MAN1A1: variants seen among roughly 807,000 people sequenced by gnomAD.
MAN1A1 encodes mannosyl-oligosaccharide 1,2-alpha-mannosidase IA.
MAN1A1 carries 29 observed loss-of-function variants against 70.8 expected under a neutral mutation model. The observed-to-expected ratio is 0.41, with a 90% CI of 0.31 to 0.56. The LOEUF (loss-of-function observed/expected upper bound fraction) is 0.56. MAN1A1 is among the 20% of genes least tolerant of loss of function. The pLI is 0.29. For missense variants in MAN1A1, 747 were observed against 841.3 expected (o/e 0.89, Z 1.39); for synonymous variants, 349 against 330.1 (o/e 1.06, Z -0.62).
At chr6:119,287,351 G>T (rs1776403949) in intron 5 of MAN1A1, among the ~76,000 whole-genome samples, 1 of 151,940 alleles carries the variant, frequency 6.6e-6, no homozygotes, top group South Asian at 2.1e-4. Flanking sequence ...GGTTTCTGTT[G>T]TAAAACAAAT....
At position 119,331,598 on chromosome 6, in the gene MAN1A1, T is replaced by TAA. The variant is rs1554216787; in HGVS notation, c.603+16863_603+16864dup. The stretch of plus-strand genomic sequence containing the variant: ...ATATATATATATATATATATATATA[T>TAA]AATCAAGGGGATATAAACATACATG... On this transcript the variant is annotated intron_variant, in intron 2 of 12. Coordinates refer to ENST00000368468, the MANE Select transcript of MAN1A1 (RefSeq NM_005907.4). 4.7e-4 allele frequency among the ~76,000 whole-genome samples: 67 copies of TAA among 142,506 alleles called. 1 individual carries two copies. The East Asian group carries it at 0.01, about 21-fold the overall frequency. The allele number at this position is 142,506 out of a possible 152,430, so 93.5% of individuals were successfully genotyped here. A position where few individuals can be genotyped will look rare whatever the true frequency, so the allele number is the denominator to read the frequency against.
intron 2 of MAN1A1, among the ~76,000 whole-genome samples, chr6:119,317,849 A>G (rs1219799630): frequency 6.6e-6 from 1 of 152,114 alleles, no homozygotes; most frequent in Admixed American, 6.5e-5. Flanking sequence ...ATTGGCCATA[A>G]AATGTCACAT....
At chr6:119,274,814 G>A (rs1425365352) in intron 5 of MAN1A1, among the ~76,000 whole-genome samples, 1 of 152,052 alleles carries the variant, frequency 6.6e-6, no homozygotes, top group Non-Finnish European at 1.5e-5. Context: ...TGTACTCACT[G>A]GATAATGAAA....
chr6:119,218,452 T>C (rs1774267038), intron 6 of MAN1A1, among the ~76,000 whole-genome samples: 1 of 152,166 alleles, frequency 6.6e-6, no homozygotes, highest in Admixed American at 6.5e-5. Flanking sequence ...TAACACATTG[T>C]ATTAGGCTCA....
intron 2 of MAN1A1, among the ~76,000 whole-genome samples, chr6:119,311,186 G>C (rs1772690234): frequency 6.6e-6 from 1 of 152,196 alleles, no homozygotes; most frequent in South Asian, 2.1e-4. Context: ...CACATTAAGT[G>C]CTCAATGCAT....
rs1235690271 is a variant in MAN1A1 at position 119,248,283 on chromosome 6, A to C, written c.969T>G (p.Pro323=). 1 of 1,611,746 alleles carries C rather than the reference A, an allele frequency of 6.2e-7. No individual in the cohort carries two copies. Among genetic ancestry groups the C allele is most frequent in the Non-Finnish European group, 8.5e-7 (1 of 1,178,064 alleles). Residue 323 remains proline, a synonymous_variant, in exon 6 of 13, where the codon CCT becomes CCG. Transcript: ENST00000368468. The part of the protein sequence containing the change: ...LPAFHTPSGI[P]WALLNMKSGI... The stretch of plus-strand genomic sequence containing the variant: ...ACCTTTTCATATTCAGCAATGCCCA[A>C]GGTATTCCAGAGGGAGTATGAAATG...
chr6:119,325,275 C>G (rs1773116506), intron 2 of MAN1A1, among the ~76,000 whole-genome samples: 1 of 139,982 alleles, frequency 7.1e-6, no homozygotes, highest in African/African-American at 2.5e-5. Context: ...GGGAGTCTGG[C>G]TCTAGAGTTT....
intron 8 of MAN1A1, among the ~76,000 whole-genome samples, chr6:119,194,773 T>A (rs976774565): frequency 2.0e-5 from 3 of 149,646 alleles, no homozygotes; most frequent in African/African-American, 7.3e-5. Context: ...CCATTTATCA[T>A]GCCAGATCCA....
rs1450442601 is a variant in MAN1A1 at position 119,222,009 on chromosome 6, A to G, written c.993-17127T>C. Among the ~76,000 whole-genome samples the G allele has an allele frequency of 3.9e-5, 6 of 152,310 alleles. No homozygotes were observed. The East Asian group carries it at 1.2e-3, about 29-fold the overall frequency. On this transcript the variant is annotated intron_variant, in intron 6 of 12. Coordinates refer to ENST00000368468, the MANE Select transcript of MAN1A1 (RefSeq NM_005907.4). ...CAATTCACTAAATATTTTACTATGC[A>G]TCTCCAAAGAGTAGGGAAATCCTCC...
intron 2 of MAN1A1, among the ~76,000 whole-genome samples, chr6:119,331,450 A>G (rs1023813882): frequency 4.6e-5 from 7 of 151,838 alleles, no homozygotes; most frequent in Non-Finnish European, 7.4e-5. Flanking sequence ...TGTTTCTTCC[A>G]GTGACAATTG....
At chr6:119,204,333 TG>T (rs1427540011) in intron 7 of MAN1A1, among the ~76,000 whole-genome samples, 25 of 152,196 alleles carry the variant, frequency 1.6e-4, no homozygotes, top group Admixed American at 7.2e-4. Flanking sequence ...AGTAGAGTGA[TG>T]GGGGGAACAT....
rs570997377 is a variant in MAN1A1 at position 119,305,728 on chromosome 6, A to C, written c.700+1168T>G. On this transcript the variant is annotated intron_variant, in intron 3 of 12. Transcript: ENST00000368468. ...ATATATTGAACCACCTGGCGCATTG[A>C]TAAATCACTATTTACATATTATATG... Among the ~76,000 whole-genome samples, 4 of 152,320 alleles carry C rather than the reference A, an allele frequency of 2.6e-5. No individual in the cohort carries two copies. The East Asian group carries it at 7.7e-4, about 29-fold the overall frequency.
chr6:119,229,906 T>C (rs893791921), intron 6 of MAN1A1, among the ~76,000 whole-genome samples: 14 of 152,234 alleles, frequency 9.2e-5, no homozygotes, highest in Admixed American at 8.5e-4. Context: ...ATTCTTTTTT[T>C]AAAGTTATTT....
At chr6:119,185,940 T>A (rs1301322003) in intron 11 of MAN1A1, among the ~76,000 whole-genome samples, 1 of 149,792 alleles carries the variant, frequency 6.7e-6, no homozygotes, top group Admixed American at 6.7e-5. Flanking sequence ...AGAAGAGAGG[T>A]TCACACTATT....
chr6:119,331,478 A>G (rs915500425), intron 2 of MAN1A1, among the ~76,000 whole-genome samples: 1 of 151,402 alleles, frequency 6.6e-6, no homozygotes, highest in African/African-American at 2.4e-5. Context: ...CTTGATTTAA[A>G]CAACTTTCCA....
In MAN1A1 at chr6:119,177,733, TGA is replaced by T. The variant is rs890075281; in HGVS notation, c.*2084_*2085del. ...ATTGCAAAAACTTCATTGTTGCCAC[TGA>T]GAGAGCAACATATAGTACAGCTTCT... On this transcript the variant is annotated 3_prime_UTR_variant, in exon 13 of 13. Coordinates refer to ENST00000368468, the MANE Select transcript of MAN1A1 (RefSeq NM_005907.4). 2 of 152,092 alleles carry T rather than the reference TGA, an allele frequency of 1.3e-5. No individual in the cohort carries two copies. Among genetic ancestry groups the T allele is most frequent in the African/African-American group, 4.8e-5 (2 of 41,454 alleles). 9.4% of individuals were successfully genotyped at this position (152,092 alleles called of 1,614,324 possible).
chr6:119,198,470 C>A (rs986294229), intron 8 of MAN1A1, among the ~76,000 whole-genome samples: 1 of 152,074 alleles, frequency 6.6e-6, no homozygotes, highest in Non-Finnish European at 1.5e-5. Context: ...TCTCAGCACC[C>A]TTTTGTAATC....
At chr6:119,348,101 C>A (rs930060907) in intron 2 of MAN1A1, among the ~76,000 whole-genome samples, 1 of 152,180 alleles carries the variant, frequency 6.6e-6, no homozygotes, top group Non-Finnish European at 1.5e-5. Flanking sequence ...CCAATCCTTA[C>A]CAGGGGGCTG....
In MAN1A1 at chr6:119,345,198, G is replaced by T. The variant is rs200713773; in HGVS notation, c.603+3265C>A. ...AGAAAATGGGAGAGGTTGAGGGGGGGGCGGAGCGGGGGAGAAGGGAAGCTA... is the reference window on the plus strand; with the variant it reads ...AGAAAATGGGAGAGGTTGAGGGGGGTGCGGAGCGGGGGAGAAGGGAAGCTA... On this transcript the variant is annotated intron_variant, in intron 2 of 12. Transcript: ENST00000368468. Among the ~76,000 whole-genome samples, 70 of 147,386 alleles carry T rather than the reference G, an allele frequency of 4.7e-4. 1 individual carries two copies. The highest frequency in any genetic ancestry group is 1.6e-3 in the African/African-American group (64 of 39,756).
Sources: gnomAD v4.1 joint callset for allele counts (sites outside exome capture counted in the v4.1 genomes callset) on GRCh38, gnomAD v4.1.1 for gene constraint, MANE v1.5 for transcripts, NCBI Gene and HGNC (gene_info 2026-07-23, HGNC 2026-07-21) for gene names.